ADGRL3: variants seen among roughly 807,000 people sequenced by gnomAD.
ADGRL3 encodes the protein calcium-independent alpha-latrotoxin receptor 3.
Under a neutral mutation model 153.5 loss-of-function variants are expected in ADGRL3, and 62 were observed. That is an observed-to-expected ratio of 0.40 (90% CI 0.33 to 0.50). The LOEUF is 0.50. ADGRL3 is among the 20% of genes least tolerant of loss of function. ADGRL3 has a pLI of 0.47. For missense variants in ADGRL3, 1,641 were observed against 1,859.4 expected (o/e 0.88, Z 2.16); for synonymous variants, 710 against 672.5 (o/e 1.06, Z -0.86).
At position 61,323,388 on chromosome 4, in the gene ADGRL3, T is replaced by C. The variant is rs954209695; in HGVS notation, c.-239-59736T>C. Among the ~76,000 whole-genome samples the C allele has an allele frequency of 2.3e-5, 3 of 128,606 alleles. No homozygotes were observed. In the South Asian group the frequency reaches 7.2e-4, roughly 31 times the overall value. 84.4% of individuals were successfully genotyped at this position (128,606 alleles called of 152,430 possible). ...TTCTGCAGCTGGTTTGAATTTCTCC[T>C]CAAAATATGGATTTTTTTTTCTATT... On this transcript the variant is annotated intron_variant, in intron 1 of 26. Coordinates refer to ENST00000683033, the MANE Select transcript of ADGRL3 (RefSeq NM_001387552.1).
At chr4:61,451,301 G>C (rs540298749) in intron 2 of ADGRL3, among the ~76,000 whole-genome samples, 29 of 152,140 alleles carry the variant, frequency 1.9e-4, no homozygotes, top group Admixed American at 6.6e-4. Flanking sequence ...CTGATAAATT[G>C]CAGATGGTTT....
intron 11 of ADGRL3, among the ~76,000 whole-genome samples, chr4:61,909,230 C>T (rs779052547): frequency 2.0e-5 from 3 of 152,236 alleles, no homozygotes; most frequent in Admixed American, 6.5e-5. Context: ...ACAAGACACA[C>T]GCAACTAAGT....
intron 8 of ADGRL3, among the ~76,000 whole-genome samples, chr4:61,751,647 T>A (rs13138257): frequency 0.58 from 88,209 of 152,054 alleles, 28,027 homozygotes; most frequent in African/African-American, 0.83. Context: ...GGAGGATTAG[T>A]AAGATTAGTT....
chr4:61,497,424 TTC>T, intron 3 of ADGRL3, 76 bp downstream of exon 3: 1 of 871,756 alleles, frequency 1.1e-6, no homozygotes, highest in Non-Finnish European at 1.8e-6. Context: ...TTGGGATCTT[TTC>T]TCTGAGACTG....
At chr4:61,331,224 C>T (rs960589724) in intron 1 of ADGRL3, among the ~76,000 whole-genome samples, 20 of 152,180 alleles carry the variant, frequency 1.3e-4, no homozygotes, top group Non-Finnish European at 1.5e-4. Context: ...AATACCTATA[C>T]GTAAATTTTA....
At chr4:61,554,552 A>G (rs1167037918) in intron 4 of ADGRL3, among the ~76,000 whole-genome samples, 2 of 151,994 alleles carry the variant, frequency 1.3e-5, no homozygotes, top group Non-Finnish European at 2.9e-5. Context: ...TCTTACCACT[A>G]TCTGTGTAGG....
chr4:61,364,642 T>C (rs1335404941), intron 1 of ADGRL3, among the ~76,000 whole-genome samples: 3 of 152,120 alleles, frequency 2.0e-5, no homozygotes, highest in Admixed American at 2.0e-4. Flanking sequence ...TATTGTAAGA[T>C]AAATGAATAA....
intron 25 of ADGRL3, among the ~76,000 whole-genome samples, chr4:62,046,332 G>A (rs902187374): frequency 1.3e-5 from 2 of 151,864 alleles, no homozygotes; most frequent in African/African-American, 4.8e-5. Context: ...AGATAGTAAG[G>A]TGTGTCAGTT....
intron 8 of ADGRL3, among the ~76,000 whole-genome samples, chr4:61,767,288 C>A (rs1479040051): frequency 6.6e-6 from 1 of 151,690 alleles, no homozygotes; most frequent in South Asian, 2.1e-4. Flanking sequence ...GGGAACTGGG[C>A]AGGTGGGGAC....
At chr4:61,469,543 T>G (rs1356630174) in intron 2 of ADGRL3, among the ~76,000 whole-genome samples, 1 of 152,048 alleles carries the variant, frequency 6.6e-6, no homozygotes, top group African/African-American at 2.4e-5. Flanking sequence ...GTGTTTCCAG[T>G]AGGGGCCTGT....
chr4:62,070,239 C>A lies in ADGRL3; in HGVS notation c.3963C>A (p.Gly1321=). The change falls in exon 27 of 27, where the codon GGC becomes GGA. Residue 1321 remains glycine, a synonymous_variant. Coordinates refer to ENST00000683033, the MANE Select transcript of ADGRL3 (RefSeq NM_001387552.1). The part of the protein sequence containing the change: ...LSNCVQIIDR[G]YNHNETALEK... ...ACTGTGTGCAAATCATAGACCGTGG[C>A]TATAACCATAACGAGACCGCCCTAG... The A allele has an allele frequency of 6.2e-7, 1 of 1,613,464 alleles. No individual in the cohort carries two copies. The highest frequency in any genetic ancestry group is 2.2e-5 in the East Asian group (1 of 44,764).
intron 5 of ADGRL3, among the ~76,000 whole-genome samples, chr4:61,627,430 G>A (rs936656999): frequency 6.6e-6 from 1 of 152,030 alleles, no homozygotes; most frequent in African/African-American, 2.4e-5. Flanking sequence ...ACCATGGTCT[G>A]GCCAACATGG....
intron 6 of ADGRL3, among the ~76,000 whole-genome samples, chr4:61,695,032 G>A (rs764117504): frequency 2.0e-5 from 3 of 152,060 alleles, no homozygotes; most frequent in Non-Finnish European, 4.4e-5. Flanking sequence ...CTTGCTATTT[G>A]CACCATATCT....
chr4:61,887,153 CTG>C (rs2098544184), intron 9 of ADGRL3, among the ~76,000 whole-genome samples: 1 of 152,152 alleles, frequency 6.6e-6, no homozygotes. Context: ...GCATGAGCCA[CTG>C]TGCCCAGCCT....
chr4:61,544,584 T>C lies in ADGRL3; in HGVS notation c.259+27066T>C, dbSNP rs561427975. Among the ~76,000 whole-genome samples the C allele has an allele frequency of 5.9e-5, 9 of 152,336 alleles. No individual in the cohort carries two copies. The East Asian group carries it at 1.7e-3, about 29-fold the overall frequency. On this transcript the variant is annotated intron_variant, in intron 4 of 26. Transcript: ENST00000683033. ...TTCTGTTTTTTCCCTTTTGGTTTTA[T>C]ATTTGCAAGTATTACCTTATAAACC...
chr4:61,332,041 T>G (rs983915082), intron 1 of ADGRL3, among the ~76,000 whole-genome samples: 2 of 152,110 alleles, frequency 1.3e-5, no homozygotes, highest in African/African-American at 4.8e-5. Flanking sequence ...ATTATTTGCT[T>G]TAAATACTCA....
At position 61,755,677 on chromosome 4, in the gene ADGRL3, G is replaced by T. The variant is rs1364794601; in HGVS notation, c.1399+22123G>T. Among the ~76,000 whole-genome samples the T allele has an allele frequency of 2.0e-5, 3 of 152,282 alleles. No individual in the cohort carries two copies. In the East Asian group the frequency reaches 5.8e-4, roughly 29 times the overall value. On this transcript the variant is annotated intron_variant, in intron 8 of 26. Coordinates refer to ENST00000683033, the MANE Select transcript of ADGRL3 (RefSeq NM_001387552.1). ...GGTTGCCATTGCTTTTGGTGTTTTA[G>T]ACATGAAGTCCTTGCCCGTGCCTAT...
At chr4:61,773,209 C>G (rs898911734) in intron 8 of ADGRL3, among the ~76,000 whole-genome samples, 4 of 152,162 alleles carry the variant, frequency 2.6e-5, no homozygotes, top group Admixed American at 6.5e-5. Flanking sequence ...TGACAATCAT[C>G]TGCACTAGCA....
intron 8 of ADGRL3, among the ~76,000 whole-genome samples, chr4:61,796,483 T>A (rs1161858857): frequency 6.6e-6 from 1 of 152,162 alleles, no homozygotes; most frequent in Non-Finnish European, 1.5e-5. Flanking sequence ...AGAGCTCTTA[T>A]GAAATTTGAC....
Sources: allele counts gnomAD v4.1 joint callset (sites outside exome capture counted in the v4.1 genomes callset), GRCh38; gene constraint gnomAD v4.1.1; transcripts MANE v1.5; gene names NCBI Gene and HGNC (gene_info 2026-07-23, HGNC 2026-07-21).